Variants in MINDY2 observed in about 807,000 individuals in gnomAD.
The protein encoded by MINDY2 is ubiquitin carboxyl-terminal hydrolase MINDY-2.
A neutral mutation model predicts 68.2 loss-of-function variants in MINDY2; 52 were observed. The ratio of observed to expected loss-of-function variants is 0.76; its 90% CI spans 0.61 to 0.96. MINDY2 has a LOEUF of 0.96. Among genes scored for constraint, MINDY2 ranks in the 40% least tolerant of loss-of-function variants. The probability of loss-of-function intolerance (pLI) is 0.00; values close to 1 mark genes in which losing one functional copy is unlikely to be tolerated. For synonymous variants in MINDY2, 372 were observed against 303.0 expected, an observed-to-expected ratio of 1.23 and a Z score of -2.36; for missense variants, 881 against 773.4, an observed-to-expected ratio of 1.14 and a Z score of -1.65.
At chr15:58,804,799 C>G (rs1902906753) in intron 3 of MINDY2, among the ~76,000 whole-genome samples, 1 of 150,332 alleles carries the variant, frequency 6.7e-6, no homozygotes, top group Non-Finnish European at 1.5e-5. Context: ...GAGTGAGACC[C>G]TGTTACAAAA....
chr15:58,824,700 C>T (rs2031280678), intron 5 of MINDY2, among the ~76,000 whole-genome samples: 2 of 144,642 alleles, frequency 1.4e-5, no homozygotes, highest in Admixed American at 1.4e-4. Context: ...GAGACAGTCT[C>T]GCTCTGTCAC....
chr15:58,829,550 A>G (rs1462329078), intron 5 of MINDY2, among the ~76,000 whole-genome samples: 2 of 152,190 alleles, frequency 1.3e-5, no homozygotes, highest in African/African-American at 4.8e-5. Flanking sequence ...GTAATGTGCT[A>G]TATCTCCACT....
intron 1 of MINDY2, among the ~76,000 whole-genome samples, chr15:58,773,471 A>G (rs962069090): frequency 7.9e-5 from 12 of 152,248 alleles, no homozygotes; most frequent in Admixed American, 1.3e-4. Context: ...AAGTGAAGAC[A>G]GTACCTGCCC....
At position 58,791,734 on chromosome 15, in the gene MINDY2, A is replaced by G. The variant is rs1901957141; in HGVS notation, c.898+3771A>G. Reference sequence around the variant, plus strand: ...ATAATATAAATTAAATTTAATAGCCACATATTGCTACTGGCTACTGTATTA... The same window carrying G: ...ATAATATAAATTAAATTTAATAGCCGCATATTGCTACTGGCTACTGTATTA... On this transcript the variant is annotated intron_variant, in intron 2 of 8. Coordinates refer to ENST00000559228, the MANE Select transcript of MINDY2 (RefSeq NM_001040450.3). Among the ~76,000 whole-genome samples the G allele has an allele frequency of 1.3e-5, 2 of 151,848 alleles. 1 individual carries two copies. The highest frequency in any genetic ancestry group is 1.3e-4 in the Admixed American group (2 of 15,216).
intron 4 of MINDY2, among the ~76,000 whole-genome samples, chr15:58,814,912 A>G (rs1277724530): frequency 6.6e-6 from 1 of 150,562 alleles, no homozygotes; most frequent in African/African-American, 2.5e-5. Context: ...CAGAGTGCCG[A>G]GGTTACAAAT....
intron 2 of MINDY2, among the ~76,000 whole-genome samples, chr15:58,798,576 C>T (rs1902438427): frequency 6.6e-6 from 1 of 151,508 alleles, no homozygotes; most frequent in Non-Finnish European, 1.5e-5. Flanking sequence ...TCACCTCAGA[C>T]TCCCAAGTAG....
intron 2 of MINDY2, among the ~76,000 whole-genome samples, chr15:58,792,450 A>T (rs187009744): frequency 6.6e-6 from 1 of 152,320 alleles, no homozygotes; most frequent in African/African-American, 2.4e-5. Flanking sequence ...TACTAAGAAC[A>T]TAAAAATTAG....
At chr15:58,845,455 A>T (rs2141054517) in intron 6 of MINDY2, among the ~76,000 whole-genome samples, 1 of 152,324 alleles carries the variant, frequency 6.6e-6, no homozygotes, top group South Asian at 2.1e-4. Flanking sequence ...AAGGTGCTGA[A>T]CATCACTGGT....
intron 5 of MINDY2, among the ~76,000 whole-genome samples, chr15:58,831,121 A>T (rs1293998424): frequency 6.6e-6 from 1 of 151,360 alleles, no homozygotes; most frequent in African/African-American, 2.4e-5. Context: ...AACAAAAGCC[A>T]TAATATCTAT....
chr15:58,813,788 C>G (rs1360496771), intron 4 of MINDY2, among the ~76,000 whole-genome samples: 2 of 151,592 alleles, frequency 1.3e-5, no homozygotes, highest in African/African-American at 4.8e-5. Context: ...TACTAGATTA[C>G]CTGTAGAAAA....
Position 58,854,760 on chromosome 15 carries a change from A to T in MINDY2, c.*150A>T. ...GGGGAACGGTTGTTACTTAGTTACA[A>T]TCAGACTTTTTCAAGTCACACAATA... On this transcript the variant is annotated 3_prime_UTR_variant, in exon 9 of 9. Coordinates refer to ENST00000559228, the MANE Select transcript of MINDY2 (RefSeq NM_001040450.3). The T allele has an allele frequency of 2.4e-6, 2 of 840,644 alleles. No individual in the cohort carries two copies. The highest frequency in any genetic ancestry group is 3.5e-6 in the Non-Finnish European group (2 of 571,122). The allele number at this position is 840,644 out of a possible 1,614,324, so 52.1% of individuals were successfully genotyped here. A position where few individuals can be genotyped will look rare whatever the true frequency, so the allele number is the denominator to read the frequency against.
intron 2 of MINDY2, among the ~76,000 whole-genome samples, chr15:58,795,908 A>C (rs1162307871): frequency 6.6e-6 from 1 of 152,176 alleles, no homozygotes; most frequent in East Asian, 1.9e-4. Context: ...AGATAGGAGA[A>C]AGGCCAGTAC....
chr15:58,839,998 A>C (rs1207871519), intron 6 of MINDY2, among the ~76,000 whole-genome samples: 1 of 151,860 alleles, frequency 6.6e-6, no homozygotes, highest in African/African-American at 2.4e-5. Context: ...ACGCTCAGCT[A>C]ATTTTTTGTA....
intron 3 of MINDY2, among the ~76,000 whole-genome samples, chr15:58,808,335 A>G (rs1053210293): frequency 6.6e-6 from 1 of 152,200 alleles, no homozygotes; most frequent in African/African-American, 2.4e-5. Flanking sequence ...GAATAGTTTC[A>G]CTGTCCTAAA....
chr15:58,791,251 A>ATATATATATATC (rs1901888469), intron 2 of MINDY2, among the ~76,000 whole-genome samples: 1 of 112,728 alleles, frequency 8.9e-6, no homozygotes, highest in Non-Finnish European at 1.8e-5. Context: ...ATATATATAT[A>ATATATATATATC]TATATCTTGA....
Position 58,821,746 on chromosome 15 carries a change from C to T in MINDY2, c.1152C>T (p.Asn384=). The change falls in exon 5 of 9, where the codon AAC becomes AAT. Residue 384 remains asparagine, a synonymous_variant. Transcript: ENST00000559228. Reference sequence around the variant, plus strand: ...ATGACATTGTAAAAGCTGTTGGTAACTGCAGCTACAACCAACTAGTGGAGA... The same window carrying T: ...ATGACATTGTAAAAGCTGTTGGTAATTGCAGCTACAACCAACTAGTGGAGA... The part of the protein sequence containing the change: ...QIDDIVKAVG[N]CSYNQLVEKI... 1.9e-6 allele frequency: 3 copies of T among 1,588,440 alleles called. No homozygotes were observed. The highest frequency in any genetic ancestry group is 2.6e-6 in the Non-Finnish European group (3 of 1,171,356).
intron 6 of MINDY2, among the ~76,000 whole-genome samples, chr15:58,844,910 G>A (rs1326710679): frequency 2.1e-5 from 2 of 96,630 alleles, no homozygotes; most frequent in African/African-American, 8.0e-5. Flanking sequence ...GTGAGACTGA[G>A]ACCCTGCCTA....
chr15:58,775,805 T>C (rs1473223948), intron 1 of MINDY2, among the ~76,000 whole-genome samples: 2 of 152,092 alleles, frequency 1.3e-5, no homozygotes, highest in Non-Finnish European at 2.9e-5. Flanking sequence ...CATAAAAATA[T>C]AAATGTTCGT....
In MINDY2 at chr15:58,788,076, A is replaced by G; in HGVS notation, c.898+113A>G. On this transcript the variant is annotated intron_variant, in intron 2 of 8. Transcript: ENST00000559228. ...CTATTATATAATCTATTTTAAAATT[A>G]TAGTTTTGAATCTGCTAATTAAAAA... is the stretch of plus-strand genomic sequence containing the variant. 9.2e-6 allele frequency: 6 copies of G among 650,086 alleles called. No individual in the cohort carries two copies. The East Asian group carries it at 1.2e-4, about 14-fold the overall frequency. 40.3% of individuals were successfully genotyped at this position (650,086 alleles called of 1,614,324 possible). A position where few individuals can be genotyped will look rare whatever the true frequency, so the allele number is the denominator to read the frequency against.
Sources: allele counts gnomAD v4.1 joint callset (sites outside exome capture counted in the v4.1 genomes callset), GRCh38; gene constraint gnomAD v4.1.1; transcripts MANE v1.5; gene names NCBI Gene and HGNC (gene_info 2026-07-23, HGNC 2026-07-21).